The following UNK variants were observed in gnomAD, a reference collection of about 807,000 sequenced individuals.
UNK encodes unk zinc finger.
UNK carries 32 observed loss-of-function variants against 97.6 expected under a neutral mutation model. The observed-to-expected ratio is 0.33, with a 90% CI of 0.25 to 0.44. The LOEUF (loss-of-function observed/expected upper bound fraction) is 0.44, where lower values mean the gene tolerates loss of function less well. UNK is among the 20% of genes least tolerant of loss of function. UNK has a pLI of 1.00. For synonymous variants in UNK, 441 were observed against 461.2 expected (o/e 0.96, Z 0.56); for missense variants, 771 against 1,098.4 (o/e 0.70, Z 4.21).
chr17:75,787,651 C>T (rs1481452536), intron 1 of UNK, among the ~76,000 whole-genome samples: 1 of 151,938 alleles, frequency 6.6e-6, no homozygotes, highest in Non-Finnish European at 1.5e-5. Flanking sequence ...CATGGAAACC[C>T]CGTCTCTACT....
chr17:75,820,172 T>C, intron 13 of UNK, 64 bp downstream of exon 13: 1 of 1,511,154 alleles, frequency 6.6e-7, no homozygotes, highest in Middle Eastern at 1.8e-4. Context: ...AGGAGGTGCC[T>C]CTGGCCACCC....
At chr17:75,823,604 C>T (rs1394113142) in intron 15 of UNK, 82 bp downstream of exon 15, 2 of 1,438,174 alleles carry the variant, frequency 1.4e-6, no homozygotes, top group South Asian at 1.5e-5. Flanking sequence ...CCAGGCTGCT[C>T]CAGGGATGGC....
chr17:75,812,718 A>G (rs1158404168), intron 4 of UNK, 133 bp downstream of exon 4: 1 of 1,354,594 alleles, frequency 7.4e-7, no homozygotes, highest in Non-Finnish European at 9.7e-7. Context: ...CCCTACACCC[A>G]CCATTCAAAA....
chr17:75,790,266 C>A (rs566195218), intron 1 of UNK, among the ~76,000 whole-genome samples: 88 of 152,096 alleles, frequency 5.8e-4, no homozygotes, highest in Non-Finnish European at 1.1e-3. Context: ...CACTGCCCTC[C>A]AGCCTGGACA....
intron 1 of UNK, among the ~76,000 whole-genome samples, chr17:75,798,636 A>G (rs1355780122): frequency 6.6e-6 from 1 of 151,344 alleles, no homozygotes; most frequent in Non-Finnish European, 1.5e-5. Context: ...ATGAGCCACC[A>G]TGCCTGGCCG....
rs1000467229 is a variant in UNK, at chr17:75,818,318, A to AG, written c.1371+155dup. Reference sequence around the variant, plus strand: ...TCCCAGCCACAAATCCAGAGAGGGTAGGGGGTCAGGCCCTGGAGCCCCTCA... The same window carrying AG: ...TCCCAGCCACAAATCCAGAGAGGGTAGGGGGGTCAGGCCCTGGAGCCCCTCA... On this transcript the variant is annotated intron_variant, in intron 10 of 15. Transcript: ENST00000589666. This position sits in a 1 kb window ranked among gnomAD's most constrained non-coding sequence, Gnocchi z 5.1. 5 of 901,122 alleles carry AG rather than the reference A, an allele frequency of 5.5e-6. No homozygotes were observed. The highest frequency in any genetic ancestry group is 1.7e-6 in the Non-Finnish European group (1 of 592,586). 55.8% of individuals were successfully genotyped at this position (901,122 alleles called of 1,614,324 possible).
Position 75,823,343 on chromosome 17 carries a change from C to G in UNK, c.2098C>G (p.Arg700Gly). 1.9e-6 allele frequency: 3 copies of G among 1,611,588 alleles called. No individual in the cohort carries two copies. Among genetic ancestry groups the G allele is most frequent in the Non-Finnish European group, 2.5e-6 (3 of 1,179,212 alleles). ...SAAGAECELA[R>G]EQRDALEVQV... ...GGCGGGCGCCGAGTGCGAGCTGGCC[C>G]GGGAGCAGCGGGATGCACTGGAGGT... Residue 700 changes from arginine to glycine, a missense_variant, in exon 15 of 16, where the codon CGG becomes GGG. Physicochemically the swap from Arg to Gly is moderately radical, Grantham distance 125 (BLOSUM62 -2). This residue lies in a region of UNK where 208 missense variants were observed against 257.4 expected (regional missense o/e 0.81). Transcript: ENST00000589666.
At chr17:75,799,381 C>G (rs1049800182) in intron 1 of UNK, among the ~76,000 whole-genome samples, 1 of 152,306 alleles carries the variant, frequency 6.6e-6, no homozygotes, top group African/African-American at 2.4e-5. Context: ...GCAACCGACT[C>G]TGTGTGTGAG....
intron 1 of UNK, among the ~76,000 whole-genome samples, chr17:75,798,131 C>T (rs893691748): frequency 6.7e-6 from 1 of 148,416 alleles, no homozygotes. Flanking sequence ...AGTGCAATGG[C>T]ACGATTTCGG....
intron 1 of UNK, among the ~76,000 whole-genome samples, chr17:75,804,245 G>A (rs561000791): frequency 6.6e-6 from 1 of 152,340 alleles, no homozygotes; most frequent in East Asian, 1.9e-4. Flanking sequence ...CTTGAGGTCA[G>A]GAGTTCAAGA....
At chr17:75,799,297 C>A (rs928306876) in intron 1 of UNK, among the ~76,000 whole-genome samples, 2 of 152,104 alleles carry the variant, frequency 1.3e-5, no homozygotes, top group Admixed American at 1.3e-4. Context: ...CAGAATGAGA[C>A]CCTTTTTCAA....
At position 75,825,588 on chromosome 17, in the gene UNK, C is replaced by A. The variant is rs1460006218; in HGVS notation, c.*1171C>A. The A allele has an allele frequency of 6.6e-6, 1 of 152,426 alleles. No individual in the cohort carries two copies. The highest frequency in any genetic ancestry group is 1.5e-5 in the Non-Finnish European group (1 of 68,220). The allele number at this position is 152,426 out of a possible 1,614,324, so 9.4% of individuals were successfully genotyped here. On this transcript the variant is annotated 3_prime_UTR_variant, in exon 16 of 16. Coordinates refer to ENST00000589666, the MANE Select transcript of UNK (RefSeq NM_001080419.3). The surrounding 1 kb of genome is among the most constrained non-coding windows in gnomAD (Gnocchi z 4.4). ...GAGAGATGCAGCAGGGGCGGGAGGG[C>A]AGAGTGGGCGGAGGGGAGCAGCCGC...
chr17:75,814,126 G>A (rs2061995410), intron 6 of UNK, among the ~76,000 whole-genome samples: 1 of 152,144 alleles, frequency 6.6e-6, no homozygotes, highest in South Asian at 2.1e-4. Context: ...CTCCTGACAG[G>A]GCAGGTGTAG....
rs372048295 is a variant in UNK, at chr17:75,784,958, A to G, written c.78A>G (p.Ala26=). ...PPAATAQVLQ[A]QPEKPQHYTY... ...CCGCTACCGCTCAGGTGCTGCAGGC[A>G]CAGCCCGAGAAACCGCAGCACTACA... Residue 26 remains alanine (A), a synonymous_variant, in exon 1 of 16, where the codon GCA becomes GCG. Coordinates refer to ENST00000589666, the MANE Select transcript of UNK (RefSeq NM_001080419.3). 13 of 1,528,892 alleles carry G rather than the reference A, an allele frequency of 8.5e-6. No homozygotes were observed. The highest frequency in any genetic ancestry group is 1.1e-5 in the Non-Finnish European group (13 of 1,141,426). The allele number at this position is 1,528,892 out of a possible 1,614,324, so 94.7% of individuals were successfully genotyped here.
intron 14 of UNK, 56 bp downstream of exon 14, chr17:75,822,714 G>C: frequency 6.7e-7 from 1 of 1,503,542 alleles, no homozygotes; most frequent in Non-Finnish European, 8.9e-7. Context: ...TCCAGCCCAA[G>C]ACCTTCCTTC....
rs2061690030 is a variant in UNK, at chr17:75,784,815, C to A, written c.-66C>A. 6.6e-7 allele frequency: 1 copy of A among 1,517,258 alleles called. No individual in the cohort carries two copies. Among genetic ancestry groups the A allele is most frequent in the African/African-American group, 1.4e-5 (1 of 73,188 alleles). 94.0% of individuals were successfully genotyped at this position (1,517,258 alleles called of 1,614,324 possible). ...GTGGCGCGGCGCAGGCGCACTGGGT[C>A]CTCGGCGCGGACCGCGCAGACTGAA... On this transcript the variant is annotated 5_prime_UTR_variant, in exon 1 of 16. Transcript: ENST00000589666.
At position 75,824,312 on chromosome 17, in the gene UNK, G is replaced by T. The variant is rs777946940; in HGVS notation, c.2328G>T (p.Lys776Asn). The T allele has an allele frequency of 6.2e-7, 1 of 1,604,782 alleles. No homozygotes were observed. The highest frequency in any genetic ancestry group is 1.7e-5 in the Admixed American group (1 of 59,362). The change falls in exon 16 of 16, where the codon AAG (lysine) becomes AAT (asparagine). Residue 776 changes from lysine (K) to asparagine (N), a missense_variant. By Grantham distance (94) the Lys-to-Asn change is moderately conservative. This residue lies in a region of UNK where 208 missense variants were observed against 257.4 expected (regional missense o/e 0.81). Transcript: ENST00000589666. This position sits in a 1 kb window ranked among gnomAD's most constrained non-coding sequence, Gnocchi z 4.9. Reference sequence around the variant, plus strand: ...AATGCCTTAAGTGTCAGGAACAGAAGCGGGCAGTGCTGCCGTGCCAACACG... The same window carrying T: ...AATGCCTTAAGTGTCAGGAACAGAATCGGGCAGTGCTGCCGTGCCAACACG... ...SVKCLKCQEQ[K>N]RAVLPCQHAA... is the part of the protein sequence containing the mutation.
chr17:75,820,458 C>T (rs1302774471), intron 13 of UNK, among the ~76,000 whole-genome samples: 2 of 152,164 alleles, frequency 1.3e-5, no homozygotes, highest in Non-Finnish European at 2.9e-5. Context: ...CAGCATGGTT[C>T]TGTTCTGCCC....
intron 13 of UNK, chr17:75,821,522 G>A (rs563025166): frequency 2.3e-6 from 1 of 443,980 alleles, no homozygotes; most frequent in South Asian, 1.6e-5. Context: ...CTTCCTCTGG[G>A]ATGGGGCAGA....
Sources: gnomAD v4.1 joint callset for allele counts (sites outside exome capture counted in the v4.1 genomes callset) on GRCh38, gnomAD v4.1.1 for gene constraint, gnomAD v4.1.1 regional missense constraint, Gnocchi (gnomAD v3.1) non-coding constraint, MANE v1.5 for transcripts, NCBI Gene and HGNC (gene_info 2026-07-23, HGNC 2026-07-21) for gene names.